Variants in ZNF644 observed in about 807,000 individuals in gnomAD.
ZNF644 encodes the protein zinc finger motif enhancer binding protein 2.
A neutral mutation model predicts 108.0 loss-of-function variants in ZNF644; 20 were observed. That is an observed-to-expected ratio of 0.19 (90% confidence interval 0.13 to 0.27). ZNF644 has a LOEUF of 0.27. Ranked by LOEUF, ZNF644 falls within the 10% of genes least tolerant of loss-of-function variation. ZNF644 has a pLI of 1.00. For missense variants in ZNF644, 1,338 were observed against 1,548.9 expected, an observed-to-expected ratio of 0.86 and a Z score of 2.29; for synonymous variants, 542 against 539.1, an observed-to-expected ratio of 1.01 and a Z score of -0.08.
In ZNF644 at chr1:90,983,481, CAAA is replaced by C. The variant is rs768476839; in HGVS notation, c.-17-1114_-17-1112del. On this transcript the variant is annotated intron_variant, in intron 1 of 5. Transcript: ENST00000337393. ...AATCTGACAATGTTACCTCATATGG[CAAA>C]AAAAAAAAAAAAAAAAAGAAGAAGT... Among the ~76,000 whole-genome samples the C allele has an allele frequency of 4.8e-3, 307 of 63,422 alleles. 5 individuals are homozygous for C. In the East Asian group the frequency reaches 0.098, roughly 20 times the overall value. The allele number at this position is 63,422 out of a possible 152,430, so 41.6% of individuals were successfully genotyped here. A position where few individuals can be genotyped will look rare whatever the true frequency, so the allele number is the denominator to read the frequency against.
At chr1:91,000,949 T>A (rs1557650934) in intron 1 of ZNF644, among the ~76,000 whole-genome samples, 1 of 152,062 alleles carries the variant, frequency 6.6e-6, no homozygotes, top group Non-Finnish European at 1.5e-5. Flanking sequence ...AATGGATAAA[T>A]TCCTGGACAC....
chr1:90,965,321 T>C (rs1420019296), intron 2 of ZNF644, among the ~76,000 whole-genome samples: 2 of 152,184 alleles, frequency 1.3e-5, no homozygotes, highest in African/African-American at 4.8e-5. Context: ...GAGCCATCTT[T>C]TTCCTAGGTC....
Position 90,939,183 on chromosome 1 carries a change from T to C in ZNF644, c.2171A>G (p.Gln724Arg). The C allele has an allele frequency of 1.2e-6, 2 of 1,613,886 alleles. No individual in the cohort carries two copies. The highest frequency in any genetic ancestry group is 1.7e-6 in the Non-Finnish European group (2 of 1,179,916). Residue 724 changes from glutamine (Q) to arginine (R), a missense_variant, in exon 3 of 6, where the codon CAA becomes CGA. Gln to Arg is a conservative substitution (Grantham distance 43). Around this residue, in one of 6 missense-constraint regions of ZNF644, gnomAD observed 462 missense variants for 472.6 expected, o/e 0.98. Transcript: ENST00000337393. ...GGCATTAGACTTTTCTTTTGCTGCTTGATGGAAATACTTAGGTTTTTGGTC... is the reference window on the plus strand; with the variant it reads ...GGCATTAGACTTTTCTTTTGCTGCTCGATGGAAATACTTAGGTTTTTGGTC... ...SVDQKPKYFH[Q>R]AAKEKSNAKA...
intron 1 of ZNF644, among the ~76,000 whole-genome samples, chr1:90,991,129 T>C (rs916113067): frequency 3.9e-5 from 6 of 152,154 alleles, no homozygotes; most frequent in African/African-American, 1.2e-4. Flanking sequence ...GGCAGAAAAT[T>C]TGAAGCAGCA....
At chr1:90,961,023 A>T (rs928334738) in intron 2 of ZNF644, among the ~76,000 whole-genome samples, 2 of 152,136 alleles carry the variant, frequency 1.3e-5, no homozygotes, top group African/African-American at 4.8e-5. Flanking sequence ...GTACAATAGA[A>T]AGTGTTCTTC....
intron 1 of ZNF644, among the ~76,000 whole-genome samples, chr1:90,994,302 C>T (rs74746074): frequency 5.2e-4 from 79 of 152,258 alleles, no homozygotes; most frequent in Middle Eastern, 3.4e-3. Flanking sequence ...CTCATCGATC[C>T]TTCAATCCCT....
In ZNF644 at chr1:90,916,706, T is replaced by A; in HGVS notation, c.*92A>T. The A allele has an allele frequency of 7.1e-7, 1 of 1,413,190 alleles. No homozygotes were observed. Among genetic ancestry groups the A allele is most frequent in the Non-Finnish European group, 9.9e-7 (1 of 1,013,056 alleles). The allele number at this position is 1,413,190 out of a possible 1,614,324, so 87.5% of individuals were successfully genotyped here. A position where few individuals can be genotyped will look rare whatever the true frequency, so the allele number is the denominator to read the frequency against. ...CTTTCCCCCCATTTTCCTGCTTTAG[T>A]ATTTATAAACAGATAATTTAATGTG... On this transcript the variant is annotated 3_prime_UTR_variant, in exon 6 of 6. Coordinates refer to ENST00000337393, the MANE Select transcript of ZNF644 (RefSeq NM_201269.3).
At chr1:90,928,446 T>A (rs373101079) in intron 4 of ZNF644, among the ~76,000 whole-genome samples, 1 of 151,218 alleles carries the variant, frequency 6.6e-6, no homozygotes, top group Admixed American at 6.6e-5. Context: ...GCCTCCTGAA[T>A]AGCTGGGATT....
chr1:90,958,075 G>T (rs983279055), intron 2 of ZNF644, among the ~76,000 whole-genome samples: 1 of 151,436 alleles, frequency 6.6e-6, no homozygotes, highest in East Asian at 1.9e-4. Context: ...CTCATGACCA[G>T]CCTGGCCAAC....
chr1:90,957,396 T>A (rs1393788011), intron 2 of ZNF644, among the ~76,000 whole-genome samples: 1 of 152,048 alleles, frequency 6.6e-6, no homozygotes, highest in Non-Finnish European at 1.5e-5. Flanking sequence ...ACTAGCAAAC[T>A]GAAACCAACA....
intron 2 of ZNF644, among the ~76,000 whole-genome samples, chr1:90,968,014 T>C (rs1655100443): frequency 6.9e-6 from 1 of 144,480 alleles, no homozygotes; most frequent in East Asian, 2.0e-4. Context: ...TGTGCCAAGA[T>C]TGCACCACTG....
chr1:90,938,140 C>T lies in ZNF644; in HGVS notation c.3083-50G>A. ...TATCAGACTTTCTTATATAAACTGA[C>T]CACCCTAAAATGAGTTAATTCTGAA... On this transcript the variant is annotated intron_variant, in intron 3 of 5. Coordinates refer to ENST00000337393, the MANE Select transcript of ZNF644 (RefSeq NM_201269.3). This position sits in a 1 kb window ranked among gnomAD's most constrained non-coding sequence, Gnocchi z 4.2. 1 of 1,607,102 alleles carries T rather than the reference C, an allele frequency of 6.2e-7. No homozygotes were observed. The highest frequency in any genetic ancestry group is 8.5e-7 in the Non-Finnish European group (1 of 1,176,240).
intron 2 of ZNF644, among the ~76,000 whole-genome samples, chr1:90,960,978 G>GT (rs1654279992): frequency 6.6e-6 from 1 of 151,222 alleles, no homozygotes; most frequent in Non-Finnish European, 1.5e-5. Context: ...CAACAAAAAT[G>GT]AAGAGAATTT....
At chr1:90,979,580 G>C (rs1001057004) in intron 2 of ZNF644, among the ~76,000 whole-genome samples, 4 of 152,098 alleles carry the variant, frequency 2.6e-5, no homozygotes, top group Admixed American at 6.5e-5. Flanking sequence ...CTAAGCTGTG[G>C]GAATCAAAAA....
intron 1 of ZNF644, among the ~76,000 whole-genome samples, chr1:91,020,051 T>G (rs753945821): frequency 6.6e-6 from 1 of 152,192 alleles, no homozygotes; most frequent in Non-Finnish European, 1.5e-5. Context: ...TTTTCCATTA[T>G]GCCACTAACT....
At chr1:90,950,225 C>G (rs1228064480) in intron 2 of ZNF644, among the ~76,000 whole-genome samples, 5 of 128,780 alleles carry the variant, frequency 3.9e-5, no homozygotes, top group African/African-American at 8.8e-5. Context: ...TGCAGTGAGC[C>G]GAGATCGTGC....
At chr1:91,013,878 A>G (rs1231199544) in intron 1 of ZNF644, among the ~76,000 whole-genome samples, 3 of 152,214 alleles carry the variant, frequency 2.0e-5, no homozygotes. Flanking sequence ...AAATAATAGT[A>G]TTTAGATACT....
intron 2 of ZNF644, among the ~76,000 whole-genome samples, chr1:90,958,241 A>G (rs1004757616): frequency 4.8e-5 from 7 of 146,366 alleles, no homozygotes; most frequent in Non-Finnish European, 1.0e-4. Flanking sequence ...CTAAAAAAAA[A>G]AAAAAAAAAA....
At chr1:90,988,157 A>C (rs1657294214) in intron 1 of ZNF644, among the ~76,000 whole-genome samples, 1 of 152,172 alleles carries the variant, frequency 6.6e-6, no homozygotes, top group Admixed American at 6.5e-5. Flanking sequence ...AAAACTCTTA[A>C]ATTTTCAAGA....
Sources: gnomAD v4.1 joint callset for allele counts (sites outside exome capture counted in the v4.1 genomes callset) on GRCh38, gnomAD v4.1.1 for gene constraint, gnomAD v4.1.1 regional missense constraint, Gnocchi (gnomAD v3.1) non-coding constraint, MANE v1.5 for transcripts, NCBI Gene and HGNC (gene_info 2026-07-23, HGNC 2026-07-21) for gene names.